The following ZNF516 variants were observed in gnomAD, a reference collection of about 807,000 sequenced individuals.
ZNF516 encodes zinc finger protein 516.
A neutral mutation model predicts 79.7 loss-of-function variants in ZNF516; 19 were observed. The ratio of observed to expected loss-of-function variants is 0.24; its 90% CI spans 0.17 to 0.35. ZNF516 has a LOEUF of 0.35. ZNF516 is among the 10% of genes least tolerant of loss of function. The probability of loss-of-function intolerance (pLI) is 1.00; values close to 1 mark genes in which losing one functional copy is unlikely to be tolerated. For synonymous variants in ZNF516, 877 were observed against 739.5 expected (o/e 1.19, Z -3.02); for missense variants, 1,678 against 1,679.5 (o/e 1.00, Z 0.02).
chr18:76,366,638 A>G lies in ZNF516; in HGVS notation c.3432+3890T>C, dbSNP rs2074616561. Reference sequence around the variant, plus strand: ...GCCATCTGTCTACACGGGCGTAAGTATGTGTGTAGATGTGTTCACGTGTGT... The same window carrying G: ...GCCATCTGTCTACACGGGCGTAAGTGTGTGTGTAGATGTGTTCACGTGTGT... On this transcript the variant is annotated intron_variant, in intron 6 of 6. Coordinates refer to ENST00000443185, the MANE Select transcript of ZNF516 (RefSeq NM_014643.4). 1.3e-5 allele frequency among the ~76,000 whole-genome samples: 2 copies of G among 152,342 alleles called. 1 individual carries two copies. Among genetic ancestry groups the G allele is most frequent in the African/African-American group, 4.8e-5 (2 of 41,586 alleles).
At chr18:76,431,066 T>C (rs1304476883) in intron 3 of ZNF516, among the ~76,000 whole-genome samples, 1 of 152,232 alleles carries the variant, frequency 6.6e-6, no homozygotes, top group Non-Finnish European at 1.5e-5. Context: ...TGGCAATCCA[T>C]TTTAATATGC....
chr18:76,384,132 G>A (rs1421037690), intron 3 of ZNF516, among the ~76,000 whole-genome samples: 9 of 152,026 alleles, frequency 5.9e-5, no homozygotes, highest in East Asian at 1.9e-4. Flanking sequence ...TCCCATTCTC[G>A]TGTGCACTCC....
At chr18:76,472,304 T>G (rs1599143283) in intron 1 of ZNF516, among the ~76,000 whole-genome samples, 1 of 152,262 alleles carries the variant, frequency 6.6e-6, no homozygotes, top group African/African-American at 2.4e-5. Flanking sequence ...CATCAGCTCT[T>G]GGCTACCACC....
chr18:76,496,291 ATTGTTC>A (rs1568339364), upstream of ZNF516: 1 of 1,289,236 alleles, frequency 7.8e-7, no homozygotes, highest in East Asian at 5.6e-5. Flanking sequence ...TCCTGGCCGT[ATTGTTC>A]TCCTTCTCCT....
chr18:76,483,268 G>A (rs1914632577), intron 1 of ZNF516, among the ~76,000 whole-genome samples: 2 of 152,122 alleles, frequency 1.3e-5, no homozygotes, highest in South Asian at 4.2e-4. Context: ...GCTCAAGCCA[G>A]CCAACCTGAC....
intron 1 of ZNF516, among the ~76,000 whole-genome samples, 158 bp downstream of exon 1, chr18:76,494,986 G>A (rs1433163946): frequency 2.0e-5 from 3 of 146,550 alleles, no homozygotes; most frequent in African/African-American, 5.1e-5. Context: ...CCCCGCGCCC[G>A]GGGGGCCCCT....
chr18:76,370,640 C>A (rs751198570), intron 5 of ZNF516, 45 bp from the exon 6 acceptor site: 1 of 1,503,936 alleles, frequency 6.6e-7, no homozygotes, highest in East Asian at 2.4e-5. Context: ...TGTGAGCTTC[C>A]GGACGTGCAC....
intron 1 of ZNF516, chr18:76,490,116 T>C: frequency 1.0e-6 from 1 of 977,222 alleles, no homozygotes; most frequent in Non-Finnish European, 1.2e-6. Context: ...CAAATTCAAT[T>C]ACCAAAATAT....
rs1231361911 is a variant in ZNF516 at position 76,489,801 on chromosome 18, T to C, written c.-272+5343A>G. On this transcript the variant is annotated intron_variant, in intron 1 of 6. Coordinates refer to ENST00000443185, the MANE Select transcript of ZNF516 (RefSeq NM_014643.4). ...GTGTATTTCAGGATATTAAGCCATC[T>C]GGAAAGATTATTCTAATAAACAAAA... Among the ~76,000 whole-genome samples, 5 of 152,328 alleles carry C rather than the reference T, an allele frequency of 3.3e-5. No individual in the cohort carries two copies. The East Asian group carries it at 9.6e-4, about 29-fold the overall frequency.
chr18:76,495,297 G>A (rs1256001400), upstream of ZNF516: 1 of 144,686 alleles, frequency 6.9e-6, no homozygotes, highest in East Asian at 2.1e-4. Flanking sequence ...GGCGCGCGGG[G>A]CCCGCCACGC....
At position 76,441,328 on chromosome 18, in the gene ZNF516, G is replaced by A. The variant is rs375215802; in HGVS notation, c.1727C>T (p.Ala576Val). The change falls in exon 3 of 7, where the codon GCC becomes GTC. Residue 576 changes from alanine (A) to valine (V), a missense_variant. Physicochemically the swap from Ala to Val is moderately conservative, Grantham distance 64 (BLOSUM62 0). Around this residue, in one of 5 missense-constraint regions of ZNF516, gnomAD observed 1,294 missense variants for 1,248.3 expected, o/e 1.04. Coordinates refer to ENST00000443185, the MANE Select transcript of ZNF516 (RefSeq NM_014643.4). ...GCCAGAGCCCGGGGAGTCAGCAGCG[G>A]CACAGGCGGAGCCAGGGCTGCTGGG... The part of the protein sequence containing the change: ...SQPSSPGSAC[A>V]AADSPGSGLA... 2 of 1,611,598 alleles carry A rather than the reference G, an allele frequency of 1.2e-6. No homozygotes were observed. The highest frequency in any genetic ancestry group is 1.7e-4 in the Middle Eastern group (1 of 6,000).
At chr18:76,388,039 G>C (rs1443739669) in intron 3 of ZNF516, 1 of 152,234 alleles carries the variant, frequency 6.6e-6, no homozygotes, top group Non-Finnish European at 1.5e-5. Context: ...ATCGAGAGGA[G>C]TATGGCTGCG....
chr18:76,436,714 CCT>C (rs2075742776), intron 3 of ZNF516, among the ~76,000 whole-genome samples: 1 of 152,090 alleles, frequency 6.6e-6, no homozygotes, highest in South Asian at 2.1e-4. Flanking sequence ...CAGCTCACCC[CCT>C]CATTCCATTC....
chr18:76,473,717 C>T (rs1470798790), intron 1 of ZNF516, among the ~76,000 whole-genome samples: 3 of 151,272 alleles, frequency 2.0e-5, no homozygotes. Context: ...AAGAGGACGG[C>T]GTGAACCCAG....
At chr18:76,364,861 T>C (rs1247709903) in intron 6 of ZNF516, among the ~76,000 whole-genome samples, 1 of 152,244 alleles carries the variant, frequency 6.6e-6, no homozygotes, top group Non-Finnish European at 1.5e-5. Context: ...ACAAAGGCTA[T>C]GTGACTGGGG....
chr18:76,442,812 G>T lies in ZNF516; in HGVS notation c.243C>A (p.Ile81=). ...TCAGAGTCCCCGTGCGGTGGCTCCGGATGTGAATCTTCAGGTTGCCCTTCT... is the reference window on the plus strand; with the variant it reads ...TCAGAGTCCCCGTGCGGTGGCTCCGTATGTGAATCTTCAGGTTGCCCTTCT... The part of the protein sequence containing the change: ...ASQKGNLKIH[I]RSHRTGTLIQ... Residue 81 remains isoleucine (I), a synonymous_variant, in exon 3 of 7, where the codon ATC becomes ATA. Transcript: ENST00000443185. The T allele has an allele frequency of 6.2e-7, 1 of 1,611,726 alleles. No homozygotes were observed. The highest frequency in any genetic ancestry group is 1.1e-5 in the South Asian group (1 of 90,592).
intron 3 of ZNF516, among the ~76,000 whole-genome samples, chr18:76,438,941 G>GT (rs2075779576): frequency 6.6e-6 from 1 of 152,218 alleles, no homozygotes; most frequent in South Asian, 2.1e-4. Flanking sequence ...CTCTAACAGT[G>GT]TTAACCAATC....
chr18:76,441,377 T>G lies in ZNF516; in HGVS notation c.1678A>C (p.Ser560Arg). 6.2e-7 allele frequency: 1 copy of G among 1,610,710 alleles called. No homozygotes were observed. ...GGCTGGGAGGCCGAGTCACCCTCAC[T>G]GAGTGATCCGCAGCGGGCCCGCGCC... ...RAARARCGSL[S>R]EGDSASQPSS... is the part of the protein sequence containing the mutation. Residue 560 changes from serine (S) to arginine (R), a missense_variant, in exon 3 of 7, where the codon AGT (serine) becomes CGT (arginine). By Grantham distance (110) the Ser-to-Arg change is moderately radical. Transcript: ENST00000443185.
chr18:76,483,273 C>G, intron 1 of ZNF516, among the ~76,000 whole-genome samples: 1 of 152,096 alleles, frequency 6.6e-6, no homozygotes, highest in Non-Finnish European at 1.5e-5. Context: ...AGCCAGCCAA[C>G]CTGACCATTG....
Sources: gnomAD v4.1 joint callset for allele counts (sites outside exome capture counted in the v4.1 genomes callset) on GRCh38, gnomAD v4.1.1 for gene constraint, gnomAD v4.1.1 regional missense constraint, MANE v1.5 for transcripts, NCBI Gene and HGNC (gene_info 2026-07-23, HGNC 2026-07-21) for gene names.